The following LY75 variants were observed in gnomAD, a reference collection of about 807,000 sequenced individuals.
LY75 encodes C-type lectin domain family 13 member B.
A neutral mutation model predicts 231.7 loss-of-function variants in LY75; 185 were observed. That is an observed-to-expected ratio of 0.80 (90% CI 0.71 to 0.90). The LOEUF is 0.90. Among genes scored for constraint, LY75 ranks in the 40% least tolerant of loss-of-function variants. LY75 has a pLI of 0.00. For missense variants in LY75, 1,947 were observed against 2,050.2 expected (o/e 0.95, Z 0.97); for synonymous variants, 668 against 689.0 (o/e 0.97, Z 0.48).
chr2:159,828,093 C>A (rs1193100278), intron 28 of LY75, among the ~76,000 whole-genome samples: 1 of 150,400 alleles, frequency 6.6e-6, no homozygotes, highest in Non-Finnish European at 1.5e-5. Context: ...TACCCCAGAA[C>A]TTAAAGTACA....
intron 1 of LY75, chr2:159,903,647 A>G (rs1686145029): frequency 6.6e-6 from 1 of 152,258 alleles, no homozygotes; most frequent in Admixed American, 6.5e-5. Context: ...AATGTTTTTC[A>G]AACTGCCTGG....
In LY75 at chr2:159,835,581, T is replaced by G. The variant is rs746792872; in HGVS notation, c.3572A>C (p.Asn1191Thr). Residue 1191 changes from asparagine to threonine, a missense_variant, in exon 26 of 35, where the codon AAT (asparagine) becomes ACT (threonine). Physicochemically the swap from Asn to Thr is moderately conservative, Grantham distance 65. Coordinates refer to ENST00000263636, the MANE Select transcript of LY75 (RefSeq NM_002349.4). ...TACTACACAGTCTTCGAGTTGCCCATTAGTTTCAGCCCAGCGACTAAAATG... is the reference window on the plus strand; with the variant it reads ...TACTACACAGTCTTCGAGTTGCCCAGTAGTTTCAGCCCAGCGACTAAAATG... ...RLHFSRWAET[N>T]GQLEDCVVLD... 1 of 1,613,898 alleles carries G rather than the reference T, an allele frequency of 6.2e-7. No individual in the cohort carries two copies. Among genetic ancestry groups the G allele is most frequent in the East Asian group, 2.2e-5 (1 of 44,850 alleles).
At chr2:159,885,130 G>T in intron 6 of LY75, 23 bp downstream of exon 6, 2 of 1,607,160 alleles carry the variant, frequency 1.2e-6, no homozygotes, top group Non-Finnish European at 1.7e-6. Flanking sequence ...TTGTCTATTT[G>T]TATGAGTATG....
At chr2:159,809,582 C>T (rs528338608) in intron 32 of LY75, among the ~76,000 whole-genome samples, 4 of 152,166 alleles carry the variant, frequency 2.6e-5, no homozygotes, top group South Asian at 2.1e-4. Context: ...TAGGTAAAAC[C>T]GTTTCCAATC....
At chr2:159,837,585 G>A (rs1361864655) in intron 25 of LY75, among the ~76,000 whole-genome samples, 1 of 152,142 alleles carries the variant, frequency 6.6e-6, no homozygotes, top group East Asian at 1.9e-4. Flanking sequence ...CCAAGCCTCA[G>A]CATCCCACAG....
At position 159,879,281 on chromosome 2, in the gene LY75, T is replaced by A. The variant is rs768356317; in HGVS notation, c.1493A>T (p.Asp498Val). The change falls in exon 9 of 35, where the codon GAT becomes GTT. Residue 498 changes from aspartate to valine, a missense_variant. By Grantham distance (152) the Asp-to-Val change is radical. Transcript: ENST00000263636. ...KGEKLNDASS[D>V]KMCPPDEGWK... is the part of the protein sequence containing the mutation. Reference sequence around the variant, plus strand: ...TACCTCATCTGGAGGACACATCTTATCAGAACTTGCGTCATTCAGTTTTTC... The same window carrying A: ...TACCTCATCTGGAGGACACATCTTAACAGAACTTGCGTCATTCAGTTTTTC... The A allele has an allele frequency of 3.1e-6, 5 of 1,613,644 alleles. No individual in the cohort carries two copies. The highest frequency in any genetic ancestry group is 4.2e-6 in the Non-Finnish European group (5 of 1,179,862).
rs564249407 is a variant in LY75 at position 159,857,743 on chromosome 2, A to T, written c.2383+619T>A. Among the ~76,000 whole-genome samples the T allele has an allele frequency of 2.6e-5, 4 of 152,298 alleles. No individual in the cohort carries two copies. In the South Asian group the frequency reaches 6.2e-4, roughly 24 times the overall value. ...GAAGACTGAGCAAGACTGTCTTAAA[A>T]AATAATAATAATAATTTGAGAATTA... On this transcript the variant is annotated intron_variant, in intron 16 of 34. Coordinates refer to ENST00000263636, the MANE Select transcript of LY75 (RefSeq NM_002349.4).
chr2:159,835,743 T>A lies in LY75; in HGVS notation c.3508-98A>T, dbSNP rs563638041. On this transcript the variant is annotated intron_variant, in intron 25 of 34. Transcript: ENST00000263636. ...TCAATCTAATGATTTTTAATTTTTT[T>A]AATATTTAATACACATTTACATACC... The A allele has an allele frequency of 7.0e-4, 992 of 1,418,422 alleles. 5 individuals carry two copies. The South Asian group carries it at 8.9e-3, about 13-fold the overall frequency. 87.9% of individuals were successfully genotyped at this position (1,418,422 alleles called of 1,614,324 possible).
chr2:159,877,360 C>T (rs865983681), intron 11 of LY75, among the ~76,000 whole-genome samples: 10 of 152,280 alleles, frequency 6.6e-5, no homozygotes, highest in African/African-American at 2.4e-4. Context: ...CTTTATACTG[C>T]TGTCTTATTC....
chr2:159,842,127 A>T (rs937756084), intron 24 of LY75, 118 bp downstream of exon 24: 38 of 1,268,954 alleles, frequency 3.0e-5, no homozygotes, highest in Non-Finnish European at 4.0e-5. Context: ...ATACTACCCA[A>T]TAGGTAATTT....
chr2:159,832,712 C>T (rs1462204638), intron 27 of LY75, among the ~76,000 whole-genome samples: 1 of 152,216 alleles, frequency 6.6e-6, no homozygotes, highest in East Asian at 1.9e-4. Context: ...TAATGTCCAA[C>T]AGGAAGCTAT....
chr2:159,882,943 A>G (rs1010626463), intron 6 of LY75, among the ~76,000 whole-genome samples: 2 of 152,102 alleles, frequency 1.3e-5, no homozygotes, highest in African/African-American at 4.8e-5. Context: ...GACCATGAGA[A>G]AGCTCACAAT....
At chr2:159,826,208 C>T (rs1683463153) in intron 28 of LY75, among the ~76,000 whole-genome samples, 1 of 152,194 alleles carries the variant, frequency 6.6e-6, no homozygotes, top group African/African-American at 2.4e-5. Context: ...TAGAAAGCCC[C>T]ATCACCTCAG....
At chr2:159,850,654 TCTCTCTCTGTTGCACAGGCCGGAGTG>T (rs1684358248) in intron 21 of LY75, among the ~76,000 whole-genome samples, 187 bp from the exon 22 acceptor site, 2 of 149,962 alleles carry the variant, frequency 1.3e-5, no homozygotes, top group Non-Finnish European at 3.0e-5. Context: ...AGAGACAGAG[TCTCTCTCTGTTGCACAGGCCGGAGTG>T]CAGTGGTGCA....
intron 28 of LY75, among the ~76,000 whole-genome samples, chr2:159,829,397 C>T (rs1277829975): frequency 6.6e-6 from 1 of 152,174 alleles, no homozygotes; most frequent in East Asian, 1.9e-4. Context: ...ACTTTTTTCA[C>T]TTGGCTTAAT....
In LY75 at chr2:159,826,392, C is replaced by G. The variant is rs150405565; in HGVS notation, c.3958+5278G>C. 3.4e-4 allele frequency among the ~76,000 whole-genome samples: 52 copies of G among 152,128 alleles called. No individual in the cohort carries two copies. The East Asian group carries it at 9.6e-3, about 28-fold the overall frequency. On this transcript the variant is annotated intron_variant, in intron 28 of 34. Transcript: ENST00000263636. The stretch of plus-strand genomic sequence containing the variant: ...GAGAATAAAATACCTAGGAATACAA[C>G]TTACCTGGGATGTGAAGGACCTCTT...
rs1199885457 is a variant in LY75 at position 159,808,254 on chromosome 2, T to A, written c.4822+195A>T. On this transcript the variant is annotated intron_variant, in intron 33 of 34. Transcript: ENST00000263636. Reference sequence around the variant, plus strand: ...ACAGGATTTTCTGTGTCATTAGTGGTTTCCGTCATTGCTAAGTTAACTCAT... The same window carrying A: ...ACAGGATTTTCTGTGTCATTAGTGGATTCCGTCATTGCTAAGTTAACTCAT... The A allele has an allele frequency of 3.9e-6, 3 of 773,252 alleles. No homozygotes were observed. In the African/African-American group the frequency reaches 5.7e-5, roughly 15 times the overall value. 47.9% of individuals were successfully genotyped at this position (773,252 alleles called of 1,614,324 possible). A position where few individuals can be genotyped will look rare whatever the true frequency, so the allele number is the denominator to read the frequency against.
intron 13 of LY75, among the ~76,000 whole-genome samples, chr2:159,868,945 T>TACA (rs1684930362): frequency 6.6e-6 from 1 of 152,128 alleles, no homozygotes; most frequent in African/African-American, 2.4e-5. Context: ...CCCACACATA[T>TACA]ACACCATGGA....
At chr2:159,887,211 TCACACACACA>T (rs370794967) in intron 4 of LY75, among the ~76,000 whole-genome samples, 47 of 129,976 alleles carry the variant, frequency 3.6e-4, no homozygotes, top group Non-Finnish European at 3.5e-4. Context: ...AGAGTGAGAG[TCACACACACA>T]CACACACACA....
Sources: allele counts gnomAD v4.1 joint callset (sites outside exome capture counted in the v4.1 genomes callset), GRCh38; gene constraint gnomAD v4.1.1; transcripts MANE v1.5; gene names NCBI Gene and HGNC (gene_info 2026-07-23, HGNC 2026-07-21).